SHCBP1: variants seen among roughly 807,000 people sequenced by gnomAD.
SHCBP1 encodes SHC binding and spindle associated 1.
In SHCBP1, 60 loss-of-function variants were observed where a neutral mutation model predicts 75.1. The observed-to-expected ratio is 0.80, with a 90% CI of 0.65 to 0.99. The LOEUF is 0.99. Ranked by LOEUF, SHCBP1 falls within the 50% of genes least tolerant of loss-of-function variation. SHCBP1 has a pLI of 0.00. For synonymous variants in SHCBP1, 290 were observed against 293.2 expected, an observed-to-expected ratio of 0.99 and a Z score of 0.11; for missense variants, 709 against 809.4, an observed-to-expected ratio of 0.88 and a Z score of 1.50.
In SHCBP1 at chr16:46,578,609, TA is replaced by T. The variant is rs1314716154; in HGVS notation, c.*3119del. On this transcript the variant is annotated 3_prime_UTR_variant, in exon 13 of 13. Coordinates refer to ENST00000303383, the MANE Select transcript of SHCBP1 (RefSeq NM_024745.5). ...ACACCTGTTTTGTTTTTAAAATATA[TA>T]TTTTTTTCTATTAATAGTGAGAACT... 6.6e-6 allele frequency among the ~76,000 whole-genome samples: 1 copy of T among 152,136 alleles called. No homozygotes were observed. Among genetic ancestry groups the T allele is most frequent in the Admixed American group, 6.5e-5 (1 of 15,282 alleles).
At chr16:46,615,499 G>C (rs1332874197) in intron 4 of SHCBP1, among the ~76,000 whole-genome samples, 1 of 152,080 alleles carries the variant, frequency 6.6e-6, no homozygotes, top group East Asian at 1.9e-4. Flanking sequence ...CAGCACTTTG[G>C]GAGGCCAAGG....
At chr16:46,597,527 A>G (rs1965162729) in intron 9 of SHCBP1, among the ~76,000 whole-genome samples, 1 of 152,244 alleles carries the variant, frequency 6.6e-6, no homozygotes, top group Admixed American at 6.5e-5. Flanking sequence ...CAATATATAC[A>G]TCTTAATTTA....
chr16:46,605,639 G>T (rs890763537), intron 5 of SHCBP1, among the ~76,000 whole-genome samples: 8 of 152,124 alleles, frequency 5.3e-5, no homozygotes. Flanking sequence ...GCCCCATCCA[G>T]ACCAATTAAA....
rs923258497 is a variant in SHCBP1, at chr16:46,616,076, T to C, written c.466A>G (p.Thr156Ala). The change falls in exon 4 of 13, where the codon ACT becomes GCT. Residue 156 changes from threonine (T) to alanine (A), a missense_variant. By Grantham distance (58) the Thr-to-Ala change is moderately conservative (BLOSUM62 0). Transcript: ENST00000303383. The surrounding 1 kb of genome is among the most constrained non-coding windows in gnomAD (Gnocchi z 4.4). ...EPYLCDSQVSTFTMECMKELL... is the reference protein window; with the variant it reads ...EPYLCDSQVSAFTMECMKELL... ...TCCTTCATGCACTCCATGGTAAAAG[T>C]GCTCACTTGAGAGTCACAGAGGTAT... 2 of 1,614,236 alleles carry C rather than the reference T, an allele frequency of 1.2e-6. No individual in the cohort carries two copies. Among genetic ancestry groups the C allele is most frequent in the South Asian group, 1.1e-5 (1 of 91,086 alleles).
At chr16:46,617,501 C>T (rs1965518963) in intron 3 of SHCBP1, 133 bp downstream of exon 3, 5 of 496,060 alleles carry the variant, frequency 1.0e-5, no homozygotes, top group Non-Finnish European at 1.6e-5. Context: ...TACAACATGG[C>T]AATTAGATGT....
At chr16:46,604,184 A>G (rs768372691) in intron 6 of SHCBP1, 41 bp from the exon 7 acceptor site, 1 of 1,612,842 alleles carries the variant, frequency 6.2e-7, no homozygotes, top group South Asian at 1.1e-5. Context: ...GACAGCAAGT[A>G]AGAAAAGATG....
chr16:46,617,731 T>G lies in SHCBP1; in HGVS notation c.290A>C (p.Glu97Ala). 1 of 1,612,500 alleles carries G rather than the reference T, an allele frequency of 6.2e-7. No homozygotes were observed. The highest frequency in any genetic ancestry group is 8.5e-7 in the Non-Finnish European group (1 of 1,179,912). ...GAACTCAGCTGTGAATTCCTGTACC[T>G]CAGAGGCCTTGCAGTCAGCTACAAA... ...DYILADCKAS[E>A]VQEFTAEFLE... The change falls in exon 3 of 13, where the codon GAG becomes GCG. Residue 97 changes from glutamate to alanine, a missense_variant. By Grantham distance (107) the Glu-to-Ala change is moderately radical (BLOSUM62 -1). Transcript: ENST00000303383.
At chr16:46,615,191 T>C (rs1027502957) in intron 4 of SHCBP1, among the ~76,000 whole-genome samples, 2 of 152,242 alleles carry the variant, frequency 1.3e-5, no homozygotes, top group African/African-American at 4.8e-5. Context: ...TTTCTAGCAC[T>C]TTATTATAAG....
intron 10 of SHCBP1, among the ~76,000 whole-genome samples, chr16:46,589,160 T>G (rs1964999522): frequency 6.6e-6 from 1 of 152,180 alleles, no homozygotes; most frequent in Admixed American, 6.5e-5. Flanking sequence ...TAGGTATTGA[T>G]GGGATGTATC....
chr16:46,601,874 A>G (rs1052593170), intron 8 of SHCBP1, among the ~76,000 whole-genome samples: 19 of 152,248 alleles, frequency 1.2e-4, no homozygotes, highest in Non-Finnish European at 2.5e-4. Flanking sequence ...AACAAGAAAG[A>G]AAAACCCTAT....
intron 2 of SHCBP1, 74 bp from the exon 3 acceptor site, chr16:46,617,823 G>A: frequency 8.9e-7 from 1 of 1,128,358 alleles, no homozygotes; most frequent in Non-Finnish European, 1.3e-6. Context: ...CACTTTCTCA[G>A]AAACAACTGG....
At chr16:46,593,996 T>G (rs942897466) in intron 10 of SHCBP1, among the ~76,000 whole-genome samples, 4 of 152,124 alleles carry the variant, frequency 2.6e-5, no homozygotes, top group Non-Finnish European at 5.9e-5. Flanking sequence ...TTTTAAGACT[T>G]AATGTATAGC....
chr16:46,596,646 G>A (rs1446385056), intron 9 of SHCBP1, among the ~76,000 whole-genome samples: 1 of 151,910 alleles, frequency 6.6e-6, no homozygotes, highest in Non-Finnish European at 1.5e-5. Flanking sequence ...TCGAACTCCT[G>A]ACCTCAGGTG....
intron 10 of SHCBP1, 24 bp from the exon 11 acceptor site, chr16:46,584,113 T>C (rs1474954765): frequency 1.3e-6 from 2 of 1,544,248 alleles, no homozygotes; most frequent in Non-Finnish European, 8.8e-7. Context: ...TTTGAGATAA[T>C]GACAATCAGT....
chr16:46,586,374 G>C (rs1041119346), intron 10 of SHCBP1, among the ~76,000 whole-genome samples: 2 of 152,138 alleles, frequency 1.3e-5, no homozygotes, highest in Admixed American at 6.5e-5. Context: ...ACAGAGGAAA[G>C]AATCAGTGAA....
chr16:46,609,251 T>G lies in SHCBP1; in HGVS notation c.597-862A>C, dbSNP rs71380960. Reference sequence around the variant, plus strand: ...GCCAAGGCACAAGAATCGCTTGAACTGGGAGGCCGGGGCTGCAGTGAAGCG... The same window carrying G: ...GCCAAGGCACAAGAATCGCTTGAACGGGGAGGCCGGGGCTGCAGTGAAGCG... On this transcript the variant is annotated intron_variant, in intron 4 of 12. Transcript: ENST00000303383. Among the ~76,000 whole-genome samples, 6 of 152,048 alleles carry G rather than the reference T, an allele frequency of 3.9e-5. No individual in the cohort carries two copies. In the South Asian group the frequency reaches 1.2e-3, roughly 31 times the overall value.
At chr16:46,614,080 A>AT (rs536893019) in intron 4 of SHCBP1, among the ~76,000 whole-genome samples, 4 of 152,064 alleles carry the variant, frequency 2.6e-5, no homozygotes, top group South Asian at 2.1e-4. Flanking sequence ...CAATTGACAG[A>AT]TTTTTTTTAA....
At chr16:46,613,489 C>T (rs1406368849) in intron 4 of SHCBP1, among the ~76,000 whole-genome samples, 1 of 152,190 alleles carries the variant, frequency 6.6e-6, no homozygotes, top group African/African-American at 2.4e-5. Flanking sequence ...TTTCCTAGGT[C>T]TCTCTCAGCA....
At chr16:46,604,688 G>A (rs1211581311) in intron 5 of SHCBP1, among the ~76,000 whole-genome samples, 1 of 152,146 alleles carries the variant, frequency 6.6e-6, no homozygotes, top group Non-Finnish European at 1.5e-5. Flanking sequence ...TGCTCTTGAG[G>A]AGTTTTTACT....
Sources: gnomAD v4.1 joint callset for allele counts (sites outside exome capture counted in the v4.1 genomes callset) on GRCh38, gnomAD v4.1.1 for gene constraint, Gnocchi (gnomAD v3.1) non-coding constraint, MANE v1.5 for transcripts, NCBI Gene and HGNC (gene_info 2026-07-23, HGNC 2026-07-21) for gene names.